TBCE: variants seen among roughly 807,000 people sequenced by gnomAD.
The protein encoded by TBCE is tubulin-specific chaperone E.
TBCE carries 53 observed loss-of-function variants against 77.0 expected under a neutral mutation model. The ratio of observed to expected loss-of-function variants is 0.69; its 90% confidence interval spans 0.55 to 0.87. The LOEUF (loss-of-function observed/expected upper bound fraction) is 0.87, where lower values mean the gene tolerates loss of function less well. TBCE is among the 40% of genes least tolerant of loss of function. TBCE has a pLI of 0.00. For missense variants in TBCE, 624 were observed against 622.4 expected (o/e 1.00, Z -0.03); for synonymous variants, 235 against 241.3 (o/e 0.97, Z 0.24).
In TBCE at chr1:235,432,846, A is replaced by C. The variant is rs929398073; in HGVS notation, c.661-1358A>C. The C allele has an allele frequency of 5.0e-5, 24 of 478,332 alleles. 1 individual carries two copies. Among genetic ancestry groups the C allele is most frequent in the Middle Eastern group, 8.9e-4 (1 of 1,128 alleles). The allele number at this position is 478,332 out of a possible 1,614,324, so 29.6% of individuals were successfully genotyped here. A position where few individuals can be genotyped will look rare whatever the true frequency, so the allele number is the denominator to read the frequency against. On this transcript the variant is annotated intron_variant, in intron 7 of 16. Transcript: ENST00000642610. Reference sequence around the variant, plus strand: ...AGACCCACCTAGGCAACATAGAGAGATCCTGTAGATGCTATATATATATTA... The same window carrying C: ...AGACCCACCTAGGCAACATAGAGAGCTCCTGTAGATGCTATATATATATTA...
At position 235,448,388 on chromosome 1, in the gene TBCE, G is replaced by A. The variant is rs137865306; in HGVS notation, c.1439G>A (p.Arg480His). The A allele has an allele frequency of 5.1e-5, 82 of 1,613,938 alleles. No homozygotes were observed. In the Middle Eastern group the frequency reaches 6.6e-4, roughly 13 times the overall value. Residue 480 changes from arginine to histidine, a missense_variant, in exon 16 of 17, where the codon CGT becomes CAT. Coordinates refer to ENST00000642610, the MANE Select transcript of TBCE (RefSeq NM_003193.5). Reference sequence around the variant, plus strand: ...CAAAAGGTGAAGGGATTGCTGTCACGTCTTCTCAAAGTTCCTGTGTCAGAC... The same window carrying A: ...CAAAAGGTGAAGGGATTGCTGTCACATCTTCTCAAAGTTCCTGTGTCAGAC... Reference protein sequence around the residue: ...TIQKVKGLLSRLLKVPVSDLL... With the variant: ...TIQKVKGLLSHLLKVPVSDLL...
At chr1:235,440,119 CA>C (rs1299236002) in intron 13 of TBCE, among the ~76,000 whole-genome samples, 1 of 151,990 alleles carries the variant, frequency 6.6e-6, no homozygotes, top group Non-Finnish European at 1.5e-5. Flanking sequence ...TACAGGCGCC[CA>C]CCACCACACC....
At chr1:235,442,110 G>A (rs2102938672) in intron 14 of TBCE, among the ~76,000 whole-genome samples, 1 of 151,454 alleles carries the variant, frequency 6.6e-6, no homozygotes, top group Admixed American at 6.6e-5. Flanking sequence ...CAGGTTCTAA[G>A]CGATTCTCCT....
Position 235,370,745 on chromosome 1 carries a change from C to CTT in TBCE, c.-32+3254_-32+3255dup, listed in dbSNP as rs747282905. Among the ~76,000 whole-genome samples, 237 of 78,212 alleles carry CTT rather than the reference C, an allele frequency of 3.0e-3. 1 individual carries two copies. The highest frequency in any genetic ancestry group is 4.9e-3 in the Non-Finnish European group (153 of 31,182). The allele number at this position is 78,212 out of a possible 152,430, so 51.3% of individuals were successfully genotyped here. Reference sequence around the variant, plus strand: ...TATGCTTTTTTCCTCCTTGTCTTTTCTTTTTTTTTTTTTTGAGATGGAGTC... The same window carrying CTT: ...TATGCTTTTTTCCTCCTTGTCTTTTCTTTTTTTTTTTTTTTTGAGATGGAGTC... On this transcript the variant is annotated intron_variant, in intron 1 of 16. Coordinates refer to ENST00000642610, the MANE Select transcript of TBCE (RefSeq NM_003193.5).
chr1:235,417,022 T>C (rs1680147999), intron 4 of TBCE, among the ~76,000 whole-genome samples: 1 of 152,248 alleles, frequency 6.6e-6, no homozygotes, highest in Non-Finnish European at 1.5e-5. Context: ...ATGATAGCTG[T>C]CAGTTAGGAG....
At chr1:235,431,923 C>T (rs1681121451) in intron 7 of TBCE, among the ~76,000 whole-genome samples, 1 of 151,332 alleles carries the variant, frequency 6.6e-6, no homozygotes, top group Non-Finnish European at 1.5e-5. Flanking sequence ...CCACCCACCT[C>T]GGCCTGCTAA....
chr1:235,428,270 G>A (rs535248734), intron 6 of TBCE, among the ~76,000 whole-genome samples: 1 of 152,258 alleles, frequency 6.6e-6, no homozygotes, highest in South Asian at 2.1e-4. Context: ...CTTGCAGTGA[G>A]CCGAGATTGT....
chr1:235,401,710 T>C, intron 3 of TBCE, 123 bp downstream of exon 3: 2 of 853,902 alleles, frequency 2.3e-6, no homozygotes, highest in South Asian at 2.9e-5. Context: ...GAATTTGTTG[T>C]ATTCCAAAAA....
intron 7 of TBCE, among the ~76,000 whole-genome samples, chr1:235,431,786 C>T (rs945290134): frequency 1.1e-4 from 16 of 150,928 alleles, no homozygotes; most frequent in African/African-American, 3.4e-4. Context: ...GATTCTTCCG[C>T]GTCAGCCTCT....
intron 2 of TBCE, among the ~76,000 whole-genome samples, chr1:235,390,137 AAAAG>A (rs1678290638): frequency 6.6e-6 from 1 of 152,120 alleles, no homozygotes; most frequent in African/African-American, 2.4e-5. Context: ...AAAAAAAAGA[AAAAG>A]AAAAAGAAAT....
chr1:235,436,304 A>G (rs1681444414), intron 9 of TBCE, 82 bp from the exon 10 acceptor site: 6 of 1,405,110 alleles, frequency 4.3e-6, no homozygotes, highest in Non-Finnish European at 6.0e-6. Context: ...TGTAGGAAAA[A>G]AATTTACAAA....
At chr1:235,419,912 CT>C (rs1263176520) in intron 5 of TBCE, among the ~76,000 whole-genome samples, 1 of 152,024 alleles carries the variant, frequency 6.6e-6, no homozygotes, top group Non-Finnish European at 1.5e-5. Flanking sequence ...ATGGTGAAAC[CT>C]GTCTCTACTA....
At chr1:235,438,159 C>T (rs1681583423) in intron 12 of TBCE, among the ~76,000 whole-genome samples, 1 of 152,226 alleles carries the variant, frequency 6.6e-6, no homozygotes, top group African/African-American at 2.4e-5. Flanking sequence ...TCAGTCAGCT[C>T]CACCAGAGCA....
intron 1 of TBCE, among the ~76,000 whole-genome samples, chr1:235,371,378 C>CTT (rs1256615105): frequency 1.5e-4 from 20 of 135,056 alleles, no homozygotes; most frequent in African/African-American, 2.5e-4. Context: ...TTTTTTTTCC[C>CTT]TTTTTTTTTT....
At chr1:235,405,430 G>A (rs1418973105) in intron 3 of TBCE, among the ~76,000 whole-genome samples, 2 of 151,090 alleles carry the variant, frequency 1.3e-5, no homozygotes, top group African/African-American at 4.9e-5. Flanking sequence ...GAAGTCAAGA[G>A]TTCGGGACCA....
intron 2 of TBCE, among the ~76,000 whole-genome samples, chr1:235,398,873 G>T (rs570253583): frequency 1.6e-4 from 24 of 151,896 alleles, no homozygotes; most frequent in Non-Finnish European, 2.8e-4. Context: ...TCAAATTCCA[G>T]AGCTCAAGCA....
intron 3 of TBCE, chr1:235,413,967 G>A (rs889110267): frequency 8.4e-5 from 14 of 166,290 alleles, no homozygotes; most frequent in South Asian, 1.4e-4. Context: ...CAATTCTCCC[G>A]CCTTAGCCTC....
At chr1:235,374,348 T>G (rs1323689758) in intron 1 of TBCE, among the ~76,000 whole-genome samples, 1 of 146,024 alleles carries the variant, frequency 6.8e-6, no homozygotes, top group African/African-American at 2.6e-5. Flanking sequence ...GATATCGCAA[T>G]TTAAGCATGG....
At position 235,370,443 on chromosome 1, in the gene TBCE, G is replaced by A. The variant is rs550376608; in HGVS notation, c.-32+2939G>A. On this transcript the variant is annotated intron_variant, in intron 1 of 16. Coordinates refer to ENST00000642610, the MANE Select transcript of TBCE (RefSeq NM_003193.5). ...AATTTTTGTATTTTTAGTAGAGATG[G>A]GGTTTCACCATCTTGGCCAGGTTGG... Among the ~76,000 whole-genome samples, 7 of 151,734 alleles carry A rather than the reference G, an allele frequency of 4.6e-5. No homozygotes were observed. In the East Asian group the frequency reaches 7.8e-4, roughly 17 times the overall value.
Sources: gnomAD v4.1 joint callset for allele counts (sites outside exome capture counted in the v4.1 genomes callset) on GRCh38, gnomAD v4.1.1 for gene constraint, MANE v1.5 for transcripts, NCBI Gene and HGNC (gene_info 2026-07-23, HGNC 2026-07-21) for gene names.